Variants in ATP10D observed in about 807,000 individuals in gnomAD.
The protein encoded by ATP10D is ATPase phospholipid transporting 10D (putative).
Under a neutral mutation model 144.8 loss-of-function variants are expected in ATP10D, and 89 were observed. The ratio of observed to expected loss-of-function variants is 0.61; its 90% CI spans 0.52 to 0.73. ATP10D has a LOEUF of 0.73. ATP10D is among the 30% of genes least tolerant of loss of function. The probability of loss-of-function intolerance (pLI) is 0.00; values close to 1 mark genes in which losing one functional copy is unlikely to be tolerated. For missense variants in ATP10D, 1,603 were observed against 1,714.8 expected, an observed-to-expected ratio of 0.93 and a Z score of 1.15; for synonymous variants, 571 against 615.1, an observed-to-expected ratio of 0.93 and a Z score of 1.06.
At position 47,593,224 on chromosome 4, in the gene ATP10D, A is replaced by C. The variant is rs544588675; in HGVS notation, c.*1843A>C. On this transcript the variant is annotated 3_prime_UTR_variant, in exon 23 of 23. Coordinates refer to ENST00000273859, the MANE Select transcript of ATP10D (RefSeq NM_020453.4). ...TCTGTACATATGAATAGAGGAAAAT[A>C]CTGAGTGCTAATGTTACAGGGCCAC... The C allele has an allele frequency of 3.3e-5, 5 of 152,256 alleles. No individual in the cohort carries two copies. Among genetic ancestry groups the C allele is most frequent in the Non-Finnish European group, 5.9e-5 (4 of 67,988 alleles). 9.4% of individuals were successfully genotyped at this position (152,256 alleles called of 1,614,324 possible).
intron 10 of ATP10D, 125 bp downstream of exon 10, chr4:47,546,987 G>A: frequency 1.2e-6 from 1 of 840,936 alleles, no homozygotes; most frequent in Non-Finnish European, 1.9e-6. Context: ...CATGATTGCA[G>A]CTCAGCAAGA....
chr4:47,586,505 C>T (rs556656593), intron 21 of ATP10D, among the ~76,000 whole-genome samples: 109 of 152,292 alleles, frequency 7.2e-4, no homozygotes, highest in Non-Finnish European at 1.2e-3. Context: ...CTTGTACTCA[C>T]ATTTTATTAG....
At chr4:47,551,184 C>T (rs1718716133) in intron 10 of ATP10D, among the ~76,000 whole-genome samples, 1 of 152,222 alleles carries the variant, frequency 6.6e-6, no homozygotes, top group South Asian at 2.1e-4. Flanking sequence ...AAGCAGTCAC[C>T]TTCCCAGCTA....
chr4:47,552,135 C>G (rs755553375), intron 10 of ATP10D, among the ~76,000 whole-genome samples: 1 of 152,138 alleles, frequency 6.6e-6, no homozygotes, highest in Non-Finnish European at 1.5e-5. Context: ...GTTTTGCTGA[C>G]CAAAGCCACA....
rs1385379069 is a variant in ATP10D, at chr4:47,538,306, G to T, written c.1396+1368G>T. 2.0e-5 allele frequency among the ~76,000 whole-genome samples: 3 copies of T among 152,218 alleles called. No homozygotes were observed. In the South Asian group the frequency reaches 6.2e-4, roughly 32 times the overall value. On this transcript the variant is annotated intron_variant, in intron 9 of 22. Coordinates refer to ENST00000273859, the MANE Select transcript of ATP10D (RefSeq NM_020453.4). ...TGGGAGAGCTTTTATGTAAGGTCAG[G>T]GTTAATGTTCAGCTTGTATGCTTAG...
At chr4:47,570,515 G>T (rs1222288792) in intron 16 of ATP10D, among the ~76,000 whole-genome samples, 1 of 152,096 alleles carries the variant, frequency 6.6e-6, no homozygotes, top group African/African-American at 2.4e-5. Flanking sequence ...AAGTCTAGTG[G>T]GTATCAGGCC....
At chr4:47,515,968 G>A (rs796658196) in intron 3 of ATP10D, among the ~76,000 whole-genome samples, 9 of 152,322 alleles carry the variant, frequency 5.9e-5, no homozygotes, top group South Asian at 4.1e-4. Flanking sequence ...GGTGGCTCAC[G>A]CCTGTAATCC....
Position 47,554,650 on chromosome 4 carries a change from A to C in ATP10D, c.1636-76A>C, listed in dbSNP as rs4695249. 2.9e-3 allele frequency: 3,467 copies of C among 1,205,644 alleles called. 91 individuals are homozygous for C. In the African/African-American group the frequency reaches 0.049, roughly 17 times the overall value. 74.7% of individuals were successfully genotyped at this position (1,205,644 alleles called of 1,614,324 possible). A position where few individuals can be genotyped will look rare whatever the true frequency, so the allele number is the denominator to read the frequency against. ...GATTCATTTAGATCCTGGCTATACA[A>C]GTTATTTCTCATGTTGATTTAAAAC... On this transcript the variant is annotated intron_variant, in intron 10 of 22. Coordinates refer to ENST00000273859, the MANE Select transcript of ATP10D (RefSeq NM_020453.4).
rs1316807130 is a variant in ATP10D, at chr4:47,557,811, A to G, written c.1972A>G (p.Ser658Gly). Reference protein sequence around the residue: ...PSSGVPNAFVSRLPLFSRMKP... With the variant: ...PSSGVPNAFVGRLPLFSRMKP... ...TTCTGGAGTTCCAAACGCCTTTGTG[A>G]GCAGACTCCCTCTCTTTAGTCGAAT... The change falls in exon 12 of 23, where the codon AGC (serine) becomes GGC (glycine). Residue 658 changes from serine to glycine, a missense_variant. Coordinates refer to ENST00000273859, the MANE Select transcript of ATP10D (RefSeq NM_020453.4). The G allele has an allele frequency of 6.2e-7, 1 of 1,614,198 alleles. No individual in the cohort carries two copies. The highest frequency in any genetic ancestry group is 2.2e-5 in the East Asian group (1 of 44,894).
At chr4:47,573,050 T>C in intron 18 of ATP10D, 53 bp downstream of exon 18, 2 of 1,591,972 alleles carry the variant, frequency 1.3e-6, no homozygotes, top group Non-Finnish European at 1.7e-6. Flanking sequence ...TCCAAGACTG[T>C]TGCATCAGGG....
chr4:47,520,261 C>G (rs1421513281), intron 3 of ATP10D, among the ~76,000 whole-genome samples: 2 of 152,136 alleles, frequency 1.3e-5, no homozygotes, highest in Admixed American at 1.3e-4. Context: ...TACCATCTGT[C>G]TTTACCTACT....
intron 1 of ATP10D, among the ~76,000 whole-genome samples, chr4:47,494,939 T>A (rs981707257): frequency 3.3e-5 from 5 of 152,242 alleles, no homozygotes; most frequent in Non-Finnish European, 2.9e-5. Flanking sequence ...CAAAACTATA[T>A]TGACATTTAA....
chr4:47,578,530 C>T (rs1369485661), intron 19 of ATP10D: 7 of 152,132 alleles, frequency 4.6e-5, no homozygotes, highest in African/African-American at 1.7e-4. Flanking sequence ...AGTCCTATTC[C>T]TCATGTGACT....
intron 7 of ATP10D, 28 bp downstream of exon 7, chr4:47,536,061 A>G: frequency 1.9e-6 from 3 of 1,591,210 alleles, no homozygotes; most frequent in Non-Finnish European, 1.7e-6. Flanking sequence ...ATTTGCTGAC[A>G]TCTTTTCAGC....
At chr4:47,539,845 T>C (rs999633530) in intron 9 of ATP10D, among the ~76,000 whole-genome samples, 1 of 152,242 alleles carries the variant, frequency 6.6e-6, no homozygotes, top group African/African-American at 2.4e-5. Context: ...GAGCTAATAC[T>C]AGCCCTCCTC....
At chr4:47,575,532 C>T (rs899706743) in intron 18 of ATP10D, among the ~76,000 whole-genome samples, 5 of 152,136 alleles carry the variant, frequency 3.3e-5, no homozygotes, top group South Asian at 2.1e-4. Flanking sequence ...TCCATTTCAC[C>T]GCTATGTATT....
intron 1 of ATP10D, chr4:47,491,331 C>G (rs887537077): frequency 1.2e-6 from 1 of 806,388 alleles, no homozygotes; most frequent in Admixed American, 1.7e-5. Context: ...AGTACCCATT[C>G]CCTTGAAATC....
intron 13 of ATP10D, among the ~76,000 whole-genome samples, chr4:47,560,570 A>C (rs1719244896): frequency 6.6e-6 from 1 of 152,236 alleles, no homozygotes; most frequent in Non-Finnish European, 1.5e-5. Context: ...AATCCTTCGA[A>C]CTAAACAGTC....
At position 47,546,604 on chromosome 4, in the gene ATP10D, G is replaced by A; in HGVS notation, c.1397-20G>A. The stretch of plus-strand genomic sequence containing the variant: ...GTGGCTCTTCTCAGACATTGACTCA[G>A]TGTGCTTTTTATCCCACAGCCAGGA... On this transcript the variant is annotated intron_variant, in intron 9 of 22. Coordinates refer to ENST00000273859, the MANE Select transcript of ATP10D (RefSeq NM_020453.4). 1 of 1,605,014 alleles carries A rather than the reference G, an allele frequency of 6.2e-7. No homozygotes were observed. The highest frequency in any genetic ancestry group is 8.5e-7 in the Non-Finnish European group (1 of 1,171,790).
Sources: allele counts gnomAD v4.1 joint callset (sites outside exome capture counted in the v4.1 genomes callset), GRCh38; gene constraint gnomAD v4.1.1; transcripts MANE v1.5; gene names NCBI Gene and HGNC (gene_info 2026-07-23, HGNC 2026-07-21).